The following CDK18 variants were observed in gnomAD, a reference collection of about 807,000 sequenced individuals.
The protein encoded by CDK18 is cyclin dependent kinase 18.
In CDK18, 52 loss-of-function variants were observed where a neutral mutation model predicts 62.0. The observed-to-expected ratio is 0.84, with a 90% confidence interval of 0.67 to 1.06. CDK18 has a LOEUF of 1.06. CDK18 is among the 50% of genes least tolerant of loss of function. CDK18 has a pLI of 0.00. For synonymous variants in CDK18, 237 were observed against 247.0 expected, an observed-to-expected ratio of 0.96 and a Z score of 0.38; for missense variants, 604 against 619.9, an observed-to-expected ratio of 0.97 and a Z score of 0.27.
chr1:205,523,644 C>G lies in CDK18; in HGVS notation c.273+19C>G, dbSNP rs567773767. 1 of 1,558,826 alleles carries G rather than the reference C, an allele frequency of 6.4e-7. No individual in the cohort carries two copies. Among genetic ancestry groups the G allele is most frequent in the South Asian group, 1.2e-5 (1 of 84,566 alleles). On this transcript the variant is annotated intron_variant, in intron 3 of 15. Coordinates refer to ENST00000429964, the MANE Select transcript of CDK18 (RefSeq NM_212502.3). ...CATGGAGGTAAGGGCCTCTGGAGCT[C>G]TGCCCCGGCAGGTGGCAGGATGCAC...
chr1:205,510,033 T>C (rs2102271848), intron 1 of CDK18, among the ~76,000 whole-genome samples: 1 of 151,822 alleles, frequency 6.6e-6, no homozygotes, highest in East Asian at 1.9e-4. Context: ...TGAGCCAGGA[T>C]TGTACCACTG....
Position 205,523,486 on chromosome 1 carries a change from T to G in CDK18, c.134T>G (p.Leu45Trp). ...AGCTGACGCCTGTCCCTCTTAGACT[T>G]GCAGCTCGGTCCTCTTGGCAGAGAC... ...NQLHNRRNEN[L>W]QLGPLGRDPP... The change falls in exon 3 of 16, where the codon TTG becomes TGG. Residue 45 changes from leucine to tryptophan, a missense_variant. Physicochemically the swap from Leu to Trp is moderately conservative, Grantham distance 61. Coordinates refer to ENST00000429964, the MANE Select transcript of CDK18 (RefSeq NM_212502.3). The G allele has an allele frequency of 1.2e-5, 20 of 1,601,964 alleles. No homozygotes were observed. The highest frequency in any genetic ancestry group is 1.6e-5 in the Non-Finnish European group (19 of 1,174,896).
chr1:205,520,208 G>A (rs1668048978), intron 1 of CDK18, among the ~76,000 whole-genome samples: 1 of 152,208 alleles, frequency 6.6e-6, no homozygotes, highest in Non-Finnish European at 1.5e-5. Flanking sequence ...CTGGAAGCCT[G>A]GGCAGATAAT....
intron 1 of CDK18, among the ~76,000 whole-genome samples, chr1:205,505,511 G>A (rs1025191351): frequency 6.6e-6 from 1 of 152,214 alleles, no homozygotes; most frequent in African/African-American, 2.4e-5. Context: ...ATGCAGCAGA[G>A]GGAAAGGAGG....
rs573267909 is a variant in CDK18 at position 205,512,212 on chromosome 1, G to T, written c.-22+7416G>T. 1.4e-4 allele frequency among the ~76,000 whole-genome samples: 22 copies of T among 152,302 alleles called. No homozygotes were observed. The South Asian group carries it at 4.6e-3, about 32-fold the overall frequency. ...CGGGTGGTGGTTTCCACTTCGGGAGGGGATGAGGTCACCCAGGAAGCATGC... is the reference window on the plus strand; with the variant it reads ...CGGGTGGTGGTTTCCACTTCGGGAGTGGATGAGGTCACCCAGGAAGCATGC... On this transcript the variant is annotated intron_variant, in intron 1 of 15. Coordinates refer to ENST00000429964, the MANE Select transcript of CDK18 (RefSeq NM_212502.3).
intron 1 of CDK18, among the ~76,000 whole-genome samples, chr1:205,512,794 G>A (rs1371157767): frequency 4.6e-5 from 7 of 152,216 alleles, no homozygotes; most frequent in Non-Finnish European, 7.3e-5. Flanking sequence ...AGCTGGTGGG[G>A]GTGGAGTATA....
At chr1:205,524,675 C>T (rs998877706) in intron 4 of CDK18, among the ~76,000 whole-genome samples, 7 of 152,224 alleles carry the variant, frequency 4.6e-5, no homozygotes, top group African/African-American at 1.7e-4. Context: ...GGACATCTTA[C>T]AAAACACAGA....
chr1:205,507,633 CAAAAAAAAAAAAAAA>C (rs56313401), intron 1 of CDK18, among the ~76,000 whole-genome samples: 4 of 72,198 alleles, frequency 5.5e-5, no homozygotes, highest in African/African-American at 1.8e-4. Flanking sequence ...GACTCCGTCT[CAAAAAAAAAAAAAAA>C]AAAAAAAAAA....
intron 1 of CDK18, among the ~76,000 whole-genome samples, chr1:205,513,163 T>C (rs1461109695): frequency 6.6e-6 from 1 of 152,210 alleles, no homozygotes; most frequent in Non-Finnish European, 1.5e-5. Context: ...TTCCAGACTT[T>C]GGGATCTCAA....
rs1208698953 is a variant in CDK18, at chr1:205,527,432, T to TCA, written c.730-358_730-357dup. ...AGGTTGAGGCTGCAGTGAGCCATGA[T>TCA]CACACCACTGCACTCCAGCCTGGGT... On this transcript the variant is annotated intron_variant, in intron 8 of 15. Transcript: ENST00000429964. This position sits in a 1 kb window ranked among gnomAD's most constrained non-coding sequence, Gnocchi z 4.1. 3 of 233,878 alleles carry TCA rather than the reference T, an allele frequency of 1.3e-5. No homozygotes were observed. The highest frequency in any genetic ancestry group is 2.5e-5 in the Non-Finnish European group (3 of 120,320). 14.5% of individuals were successfully genotyped at this position (233,878 alleles called of 1,614,324 possible).
At chr1:205,509,360 G>A (rs1667461098) in intron 1 of CDK18, among the ~76,000 whole-genome samples, 1 of 152,116 alleles carries the variant, frequency 6.6e-6, no homozygotes, top group Non-Finnish European at 1.5e-5. Flanking sequence ...AGTCGGGATA[G>A]ACAAGATGAC....
chr1:205,530,240 C>A lies in CDK18; in HGVS notation c.1222-19C>A. ...CAGCCCCCCAGCCGGGCCCAATAGC[C>A]CCACCCTGTGCCTTTCAGTATGAAT... On this transcript the variant is annotated intron_variant, in intron 13 of 15. Transcript: ENST00000429964. The A allele has an allele frequency of 6.2e-7, 1 of 1,610,518 alleles. No individual in the cohort carries two copies.
chr1:205,521,378 A>T (rs560582925), intron 1 of CDK18, among the ~76,000 whole-genome samples: 1 of 152,122 alleles, frequency 6.6e-6, no homozygotes, highest in South Asian at 2.1e-4. Flanking sequence ...TGCCCAGCTA[A>T]TTTTTTTGTA....
Position 205,527,484 on chromosome 1 carries a change from GAA to G in CDK18, c.730-295_730-294del, listed in dbSNP as rs397982726. 3,243 of 189,162 alleles carry G rather than the reference GAA, an allele frequency of 0.017. No homozygotes were observed. The highest frequency in any genetic ancestry group is 0.026 in the Middle Eastern group (13 of 498). The allele number at this position is 189,162 out of a possible 1,614,324, so 11.7% of individuals were successfully genotyped here. A position where few individuals can be genotyped will look rare whatever the true frequency, so the allele number is the denominator to read the frequency against. On this transcript the variant is annotated intron_variant, in intron 8 of 15. Coordinates refer to ENST00000429964, the MANE Select transcript of CDK18 (RefSeq NM_212502.3). This position sits in a 1 kb window ranked among gnomAD's most constrained non-coding sequence, Gnocchi z 4.1. The stretch of plus-strand genomic sequence containing the variant: ...ACAGAGTAAAACCCTGACTCTAAAA[GAA>G]AAAAAAAAAAAAAAGGGATCAAGCA...
chr1:205,512,902 G>A (rs1667635558), intron 1 of CDK18, among the ~76,000 whole-genome samples: 1 of 152,218 alleles, frequency 6.6e-6, no homozygotes. Context: ...AAAGGCCCCT[G>A]CAGTTCTGTT....
chr1:205,530,066 C>A, intron 13 of CDK18, 193 bp from the exon 14 acceptor site: 1 of 1,426,926 alleles, frequency 7.0e-7, no homozygotes, highest in Non-Finnish European at 9.1e-7. Context: ...GGCTGGAGAC[C>A]GAGGAGCCTT....
At position 205,526,407 on chromosome 1, in the gene CDK18, C is replaced by T. The variant is rs199698929; in HGVS notation, c.612C>T (p.Thr204=). The change falls in exon 7 of 16, where the codon ACC becomes ACT. Residue 204 remains threonine (T), a synonymous_variant. Transcript: ENST00000429964. The stretch of plus-strand genomic sequence containing the variant: ...ACCTGAAGCACGCCAATATTGTGAC[C>T]CTGCATGACCTCATCCACACAGATC... The part of the protein sequence containing the change: ...LKNLKHANIV[T]LHDLIHTDRS... 2.7e-5 allele frequency: 43 copies of T among 1,614,146 alleles called. No individual in the cohort carries two copies. Among genetic ancestry groups the T allele is most frequent in the Middle Eastern group, 1.6e-4 (1 of 6,062 alleles).
At chr1:205,512,760 T>A (rs1019960776) in intron 1 of CDK18, among the ~76,000 whole-genome samples, 2 of 152,180 alleles carry the variant, frequency 1.3e-5, no homozygotes, top group Admixed American at 6.5e-5. Context: ...CTTGTCAGAA[T>A]GTGGGCACTG....
intron 1 of CDK18, among the ~76,000 whole-genome samples, chr1:205,505,182 A>G (rs1229965140): frequency 6.6e-6 from 1 of 152,130 alleles, no homozygotes; most frequent in Non-Finnish European, 1.5e-5. Context: ...CCCAGTCCGG[A>G]ACCAGGCGCT....
Sources: allele counts gnomAD v4.1 joint callset (sites outside exome capture counted in the v4.1 genomes callset), GRCh38; gene constraint gnomAD v4.1.1; non-coding constraint Gnocchi (gnomAD v3.1); transcripts MANE v1.5; gene names NCBI Gene and HGNC (gene_info 2026-07-23, HGNC 2026-07-21).